Variants in TMCO6 observed in about 807,000 individuals in gnomAD.
The protein encoded by TMCO6 is transmembrane and coiled-coil domains 6.
Under a neutral mutation model 61.8 loss-of-function variants are expected in TMCO6, and 47 were observed. The ratio of observed to expected loss-of-function variants is 0.76; its 90% confidence interval spans 0.60 to 0.97. The LOEUF is 0.97. TMCO6 is among the 50% of genes least tolerant of loss of function. TMCO6 has a pLI of 0.00. For missense variants in TMCO6, 557 were observed against 601.6 expected (o/e 0.93, Z 0.78); for synonymous variants, 261 against 254.2 (o/e 1.03, Z -0.25).
chr5:140,603,036 A>AG, the TMCO6 span, among the ~76,000 whole-genome samples: 1 of 152,176 alleles, frequency 6.6e-6, no homozygotes, highest in African/African-American at 2.4e-5. Context: ...TCAAAAAAAA[A>AG]AAAGTGTATG....
chr5:140,608,785 T>G, the TMCO6 span, among the ~76,000 whole-genome samples: 1 of 152,210 alleles, frequency 6.6e-6, no homozygotes, highest in African/African-American at 2.4e-5. Context: ...TTGACAACCT[T>G]GTCAAAATAA....
At position 140,639,818 on chromosome 5, in the gene TMCO6, G is replaced by A. The variant is rs775506005; in HGVS notation, c.165G>A (p.Glu55=). The A allele has an allele frequency of 2.2e-5, 36 of 1,609,566 alleles. No individual in the cohort carries two copies. Among genetic ancestry groups the A allele is most frequent in the Non-Finnish European group, 3.0e-5 (35 of 1,178,620 alleles). ...LRNDAPEEAG[E]GCVAAILGET... ...ACGACGCCCCAGAGGAAGCTGGAGAGGGATGTGTGGCTGCGATCCTCGGGG... is the reference window on the plus strand; with the variant it reads ...ACGACGCCCCAGAGGAAGCTGGAGAAGGATGTGTGGCTGCGATCCTCGGGG... The change falls in exon 2 of 12, where the codon GAG becomes GAA. Residue 55 remains glutamate, a synonymous_variant. Coordinates refer to ENST00000394671, the MANE Select transcript of TMCO6 (RefSeq NM_018502.5).
At chr5:140,599,833 G>A in the TMCO6 span, among the ~76,000 whole-genome samples, 2 of 152,178 alleles carry the variant, frequency 1.3e-5, no homozygotes, top group African/African-American at 2.4e-5. Flanking sequence ...CCTGGGAGGC[G>A]GAGGTTACAG....
At chr5:140,599,816 G>A in the TMCO6 span, among the ~76,000 whole-genome samples, 4 of 152,098 alleles carry the variant, frequency 2.6e-5, no homozygotes, top group Admixed American at 6.5e-5. Context: ...CAGGAGAATC[G>A]CTGGAACCTG....
chr5:140,645,225 C>A lies in TMCO6; in HGVS notation c.*127C>A. On this transcript the variant is annotated 3_prime_UTR_variant, in exon 12 of 12. Transcript: ENST00000394671. ...TCTGCTCCCACACCTAAGCCAAGACCTTTGGGTCCCAGCTCCTCCCCTTCC... is the reference window on the plus strand; with the variant it reads ...TCTGCTCCCACACCTAAGCCAAGACATTTGGGTCCCAGCTCCTCCCCTTCC... 1 of 954,918 alleles carries A rather than the reference C, an allele frequency of 1.0e-6. No individual in the cohort carries two copies. Among genetic ancestry groups the A allele is most frequent in the Non-Finnish European group, 1.6e-6 (1 of 627,244 alleles). 59.2% of individuals were successfully genotyped at this position (954,918 alleles called of 1,614,324 possible).
chr5:140,607,738 T>G, the TMCO6 span, among the ~76,000 whole-genome samples: 1 of 151,986 alleles, frequency 6.6e-6, no homozygotes, highest in Non-Finnish European at 1.5e-5. Context: ...TGTTGTTGAT[T>G]AGTGCTATAC....
At chr5:140,613,263 C>T in the TMCO6 span, among the ~76,000 whole-genome samples, 1 of 151,844 alleles carries the variant, frequency 6.6e-6, no homozygotes, top group Admixed American at 6.6e-5. Context: ...GTGGCATGCA[C>T]CTGTAGTCCC....
At chr5:140,603,042 G>A in the TMCO6 span, among the ~76,000 whole-genome samples, 1 of 151,768 alleles carries the variant, frequency 6.6e-6, no homozygotes, top group Non-Finnish European at 1.5e-5. Flanking sequence ...AAAAAAAAGT[G>A]TATGATTCAG....
At chr5:140,627,994 G>GT in the TMCO6 span, among the ~76,000 whole-genome samples, 2 of 150,914 alleles carry the variant, frequency 1.3e-5, no homozygotes, top group East Asian at 3.9e-4. Flanking sequence ...GGATTGATAT[G>GT]TATACAGGTT....
At chr5:140,635,173 C>G (rs926838153), upstream of TMCO6, among the ~76,000 whole-genome samples, 1 of 152,238 alleles carries the variant, frequency 6.6e-6, no homozygotes, top group Non-Finnish European at 1.5e-5. Flanking sequence ...CTCATCACTG[C>G]CCCCTGCGGG....
the TMCO6 span, among the ~76,000 whole-genome samples, chr5:140,624,345 CAG>C: frequency 6.6e-6 from 1 of 151,366 alleles, no homozygotes; most frequent in African/African-American, 2.4e-5. Flanking sequence ...GCCTGGGTAA[CAG>C]AGTGAGACTC....
At chr5:140,621,503 A>G in the TMCO6 span, among the ~76,000 whole-genome samples, 2 of 152,170 alleles carry the variant, frequency 1.3e-5, no homozygotes, top group Non-Finnish European at 2.9e-5. Flanking sequence ...AGGAGGATGT[A>G]TGTTGCCTCA....
the TMCO6 span, among the ~76,000 whole-genome samples, chr5:140,620,588 G>C: frequency 6.6e-6 from 1 of 152,156 alleles, no homozygotes; most frequent in Non-Finnish European, 1.5e-5. Flanking sequence ...TACTCTGGTG[G>C]GGGTTGTCGA....
chr5:140,627,838 G>T, the TMCO6 span, among the ~76,000 whole-genome samples: 1 of 151,518 alleles, frequency 6.6e-6, no homozygotes, highest in Admixed American at 6.6e-5. Context: ...AGAGGTTGCA[G>T]TGAGTCAAGA....
chr5:140,636,513 T>A (rs750735346), upstream of TMCO6, among the ~76,000 whole-genome samples: 23 of 151,156 alleles, frequency 1.5e-4, no homozygotes, highest in Non-Finnish European at 2.7e-4. Context: ...AAAGTTTTTC[T>A]TGGGGAAATA....
the TMCO6 span, among the ~76,000 whole-genome samples, chr5:140,617,665 C>A: frequency 6.7e-6 from 1 of 148,578 alleles, no homozygotes; most frequent in Admixed American, 6.8e-5. Context: ...ACCCAGGATG[C>A]GGAGGTTGCA....
At chr5:140,609,379 GA>G in the TMCO6 span, 1 of 256,606 alleles carries the variant, frequency 3.9e-6, no homozygotes, top group Non-Finnish European at 8.4e-6. Context: ...CCGCCAAGAG[GA>G]AAGCAGCTGC....
chr5:140,642,020 C>A lies in TMCO6; in HGVS notation c.465C>A (p.Leu155=). The A allele has an allele frequency of 6.2e-7, 1 of 1,612,106 alleles. No homozygotes were observed. Among genetic ancestry groups the A allele is most frequent in the Non-Finnish European group, 8.5e-7 (1 of 1,178,278 alleles). ...GCCTGCCAGCCACTTCTTACCTCCTCACCTACCTCTCCAGTCACAGCTCAG... is the reference window on the plus strand; with the variant it reads ...GCCTGCCAGCCACTTCTTACCTCCTAACCTACCTCTCCAGTCACAGCTCAG... The part of the protein sequence containing the change: ...EACLPATSYL[L]TYLSSHSSDF... Residue 155 remains leucine, a synonymous_variant, in exon 4 of 12, where the codon CTC becomes CTA. Coordinates refer to ENST00000394671, the MANE Select transcript of TMCO6 (RefSeq NM_018502.5).
chr5:140,640,354 C>T (rs1043691237), intron 2 of TMCO6, among the ~76,000 whole-genome samples: 16 of 152,114 alleles, frequency 1.1e-4, no homozygotes, highest in African/African-American at 3.6e-4. Flanking sequence ...GCATTCGCTA[C>T]GTCTAACGTT....
Sources: gnomAD v4.1 joint callset for allele counts (sites outside exome capture counted in the v4.1 genomes callset) on GRCh38, gnomAD v4.1.1 for gene constraint, MANE v1.5 for transcripts, NCBI Gene and HGNC (gene_info 2026-07-23, HGNC 2026-07-21) for gene names.